Variants in RYR1 observed in about 807,000 individuals in gnomAD.
RYR1 encodes the protein ryanodine receptor 1.
In RYR1, 342 loss-of-function variants were observed where a neutral mutation model predicts 583.5. The observed-to-expected ratio is 0.59, with a 90% CI of 0.54 to 0.64. The LOEUF (loss-of-function observed/expected upper bound fraction) is 0.64, where lower values mean the gene tolerates loss of function less well. RYR1 is among the 30% of genes least tolerant of loss of function. The pLI is 0.00. For missense variants in RYR1, 6,032 were observed against 6,917.2 expected (o/e 0.87, Z 4.54); for synonymous variants, 2,791 against 2,822.5 (o/e 0.99, Z 0.35).
At chr19:38,553,154 G>A (rs1331179193) in intron 89 of RYR1, among the ~76,000 whole-genome samples, 2 of 143,614 alleles carry the variant, frequency 1.4e-5, no homozygotes, top group Non-Finnish European at 3.0e-5. Flanking sequence ...GCAACATGGC[G>A]AACCTCCCCA....
rs757936454 is a variant in RYR1 at position 38,464,624 on chromosome 19, C to T, written c.2787-15C>T. On this transcript the variant is annotated splice_polypyrimidine_tract_variant and intron_variant, in intron 22 of 105. Transcript: ENST00000359596. ...TGAGGGGCGTGACCTGTCGCCTCCA[C>T]TCCCCCACCCCCAGGACTCTGCTGG... 1.3e-6 allele frequency: 2 copies of T among 1,567,850 alleles called. No homozygotes were observed. The highest frequency in any genetic ancestry group is 1.3e-5 in the African/African-American group (1 of 74,172).
intron 24 of RYR1, among the ~76,000 whole-genome samples, 181 bp from the exon 25 acceptor site, chr19:38,467,429 C>G (rs939017321): frequency 5.3e-5 from 8 of 152,172 alleles, no homozygotes; most frequent in East Asian, 1.9e-4. Context: ...CAACAGGTCC[C>G]TGCCTCTCTC....
rs373094407 is a variant in RYR1 at position 38,500,784 on chromosome 19, C to T, written c.7445-37C>T. On this transcript the variant is annotated intron_variant, in intron 46 of 105. Coordinates refer to ENST00000359596, the MANE Select transcript of RYR1 (RefSeq NM_000540.3). The surrounding 1 kb of genome is among the most constrained non-coding windows in gnomAD (Gnocchi z 5.9). ...ATGCTGGGGAGGGAGCGGCTGGGTC[C>T]GCAGGGCATCCCCGAACCCACCCTC... is the stretch of plus-strand genomic sequence containing the variant. The T allele has an allele frequency of 1.1e-5, 18 of 1,613,816 alleles. No homozygotes were observed. Among genetic ancestry groups the T allele is most frequent in the Admixed American group, 1.7e-5 (1 of 59,996 alleles).
chr19:38,498,470 T>C (rs926634784), intron 42 of RYR1, among the ~76,000 whole-genome samples: 4 of 152,036 alleles, frequency 2.6e-5, no homozygotes, highest in African/African-American at 9.7e-5. Context: ...GGTTCTTGGA[T>C]CTCATGTAAG....
intron 84 of RYR1, among the ~76,000 whole-genome samples, chr19:38,541,852 G>A (rs1972208081): frequency 6.6e-6 from 1 of 152,006 alleles, no homozygotes; most frequent in African/African-American, 2.4e-5. Flanking sequence ...GGAGGTCAAG[G>A]TAGGAGGGTT....
chr19:38,437,376 T>C (rs1972474842), intron 1 of RYR1, among the ~76,000 whole-genome samples: 1 of 152,024 alleles, frequency 6.6e-6, no homozygotes, highest in Admixed American at 6.6e-5. Context: ...TCAGGAAAAG[T>C]TTGAGAATCA....
intron 26 of RYR1, 25 bp from the exon 27 acceptor site, chr19:38,469,280 C>T (rs1968290568): frequency 6.2e-7 from 1 of 1,613,188 alleles, no homozygotes; most frequent in Non-Finnish European, 8.5e-7. Context: ...GCCCTCACCC[C>T]TGCCCATCCA....
In RYR1 at chr19:38,444,405, T is replaced by C; in HGVS notation, c.537+144T>C. On this transcript the variant is annotated intron_variant, in intron 6 of 105. Coordinates refer to ENST00000359596, the MANE Select transcript of RYR1 (RefSeq NM_000540.3). The surrounding 1 kb of genome is among the most constrained non-coding windows in gnomAD (Gnocchi z 5.1). ...CCATTTCCTGACCCCTGACATCCAA[T>C]TTTCTGATTTCTGACCTCCCATTGC... 1 of 870,740 alleles carries C rather than the reference T, an allele frequency of 1.1e-6. No homozygotes were observed. Among genetic ancestry groups the C allele is most frequent in the East Asian group, 2.6e-5 (1 of 37,766 alleles). The allele number at this position is 870,740 out of a possible 1,614,324, so 53.9% of individuals were successfully genotyped here.
intron 31 of RYR1, among the ~76,000 whole-genome samples, chr19:38,479,213 A>G (rs1031043039): frequency 2.6e-5 from 4 of 152,328 alleles, no homozygotes; most frequent in African/African-American, 2.4e-5. Flanking sequence ...TTTATTCTGA[A>G]AAATTTCAAT....
At chr19:38,504,662 G>A in intron 50 of RYR1, 86 bp from the exon 51 acceptor site, 1 of 1,557,798 alleles carries the variant, frequency 6.4e-7, no homozygotes, top group Admixed American at 1.7e-5. Flanking sequence ...GAGGAGGGCT[G>A]ATGATTGCAG....
At position 38,445,170 on chromosome 19, in the gene RYR1, T is replaced by A. The variant is rs1287894159; in HGVS notation, c.631+493T>A. ...ACTCAGGAGGGTGAGGCAGGAGAAT[T>A]GCTTGAACCTGGGTGGCAGAGGAGC... On this transcript the variant is annotated intron_variant, in intron 7 of 105. Transcript: ENST00000359596. Among the ~76,000 whole-genome samples the A allele has an allele frequency of 2.3e-5, 3 of 129,404 alleles. No homozygotes were observed. The East Asian group carries it at 6.9e-4, about 30-fold the overall frequency. The allele number at this position is 129,404 out of a possible 152,430, so 84.9% of individuals were successfully genotyped here.
At chr19:38,515,238 G>GAATT in intron 64 of RYR1, 131 bp downstream of exon 64, 1 of 770,972 alleles carries the variant, frequency 1.3e-6, no homozygotes, top group Admixed American at 2.1e-5. Context: ...GGCAGCCGCG[G>GAATT]TTCCCCACGG....
rs199644190 is a variant in RYR1 at position 38,516,204 on chromosome 19, G to A, written c.9672G>A (p.Pro3224=). 6.9e-6 allele frequency: 11 copies of A among 1,584,046 alleles called. No homozygotes were observed. Among genetic ancestry groups the A allele is most frequent in the African/African-American group, 6.7e-5 (5 of 74,474 alleles). The part of the protein sequence containing the change: ...NACSVYTTKS[P]RERAILGLPN... ...GCTCCGTGTACACCACCAAGTCTCCGCGGGAGCGGGCCAGTAAGCTGTGTG... is the reference window on the plus strand; with the variant it reads ...GCTCCGTGTACACCACCAAGTCTCCACGGGAGCGGGCCAGTAAGCTGTGTG... The change falls in exon 65 of 106, where the codon CCG becomes CCA. Residue 3224 remains proline (P), a synonymous_variant. Coordinates refer to ENST00000359596, the MANE Select transcript of RYR1 (RefSeq NM_000540.3).
intron 88 of RYR1, among the ~76,000 whole-genome samples, chr19:38,547,588 G>A (rs573217946): frequency 6.6e-6 from 1 of 152,034 alleles, no homozygotes; most frequent in Non-Finnish European, 1.5e-5. Flanking sequence ...TACTGGCTAT[G>A]TAACTTTGAG....
Position 38,460,476 on chromosome 19 carries a change from A to G in RYR1, c.2462A>G (p.His821Arg), listed in dbSNP as rs751267933. ...HEAVLPRERL[H>R]LEPIKEYRRE... ...GCTGTGCTCCCTCGAGAGCGACTCC[A>G]TCTTGAACCCATCAAGGAGTATCGA... Residue 821 changes from histidine to arginine, a missense_variant, in exon 20 of 106, where the codon CAT becomes CGT. This residue lies in a region of RYR1 where 2,627 missense variants were observed against 2,961.3 expected (regional missense o/e 0.89). Coordinates refer to ENST00000359596, the MANE Select transcript of RYR1 (RefSeq NM_000540.3). The G allele has an allele frequency of 1.2e-6, 2 of 1,614,220 alleles. No homozygotes were observed. Among genetic ancestry groups the G allele is most frequent in the Admixed American group, 1.7e-5 (1 of 60,030 alleles).
intron 1 of RYR1, among the ~76,000 whole-genome samples, chr19:38,436,876 C>T (rs964409126): frequency 6.6e-6 from 1 of 152,086 alleles, no homozygotes; most frequent in Middle Eastern, 3.4e-3. Context: ...TGACCTCTAC[C>T]CTTACCCAGG....
chr19:38,504,204 T>A lies in RYR1; in HGVS notation c.7927-16T>A. On this transcript the variant is annotated splice_polypyrimidine_tract_variant and intron_variant, in intron 49 of 105. Transcript: ENST00000359596. ...TGCCCCCCTCATTTGTGTGTCCCCCTCTTGTTCCCACCCAGCTCCTCACCA... is the reference window on the plus strand; with the variant it reads ...TGCCCCCCTCATTTGTGTGTCCCCCACTTGTTCCCACCCAGCTCCTCACCA... The A allele has an allele frequency of 6.2e-7, 1 of 1,606,398 alleles. No homozygotes were observed. Among genetic ancestry groups the A allele is most frequent in the Non-Finnish European group, 8.5e-7 (1 of 1,176,514 alleles).
At chr19:38,546,086 G>A (rs979472660) in intron 87 of RYR1, among the ~76,000 whole-genome samples, 20 of 152,216 alleles carry the variant, frequency 1.3e-4, no homozygotes, top group African/African-American at 3.9e-4. Context: ...CAGGCACAGT[G>A]CTGGGCTCAC....
At position 38,502,705 on chromosome 19, in the gene RYR1, G is replaced by T. The variant is rs754339645; in HGVS notation, c.7813G>T (p.Asp2605Tyr). The change falls in exon 48 of 106, where the codon GAC becomes TAC. Residue 2605 changes from aspartate to tyrosine, a missense_variant. Asp to Tyr is a radical substitution (Grantham distance 160, BLOSUM62 -3). Around this residue, in one of 11 missense-constraint regions of RYR1, gnomAD observed 250 missense variants for 162.3 expected, o/e 1.54. Transcript: ENST00000359596. ...CAAGGCGCAGCGTGACGTCATCGAG[G>T]ACTGCCTCATGTCGCTCTGCAGGTG... ...LTKAQRDVIE[D>Y]CLMSLCRYIR... 1 of 1,596,396 alleles carries T rather than the reference G, an allele frequency of 6.3e-7. No individual in the cohort carries two copies. The highest frequency in any genetic ancestry group is 2.3e-5 in the East Asian group (1 of 43,970).
Sources: allele counts gnomAD v4.1 joint callset (sites outside exome capture counted in the v4.1 genomes callset), GRCh38; gene constraint gnomAD v4.1.1; regional missense constraint gnomAD v4.1.1; non-coding constraint Gnocchi (gnomAD v3.1); transcripts MANE v1.5; gene names NCBI Gene and HGNC (gene_info 2026-07-23, HGNC 2026-07-21).